Variants in ZBTB20 observed in about 807,000 individuals in gnomAD.
ZBTB20 encodes zinc finger and BTB domain containing 20.
Under a neutral mutation model 56.9 loss-of-function variants are expected in ZBTB20, and 9 were observed. That is an observed-to-expected ratio of 0.16 (90% CI 0.10 to 0.28). ZBTB20 has a LOEUF of 0.28. Among genes scored for constraint, ZBTB20 ranks in the 10% least tolerant of loss-of-function variants. The pLI is 1.00. For missense variants in ZBTB20, 655 were observed against 1,003.0 expected, an observed-to-expected ratio of 0.65 and a Z score of 4.69; for synonymous variants, 417 against 420.7, an observed-to-expected ratio of 0.99 and a Z score of 0.11.
At chr3:114,835,935 GTAGCCACA>G (rs2074100817) in intron 4 of ZBTB20, among the ~76,000 whole-genome samples, 1 of 152,154 alleles carries the variant, frequency 6.6e-6, no homozygotes, top group African/African-American at 2.4e-5. Flanking sequence ...ATGCACCTAT[GTAGCCACA>G]ATTATTCTTA....
intron 2 of ZBTB20, among the ~76,000 whole-genome samples, chr3:115,002,887 C>CA (rs1234672607): frequency 6.6e-6 from 1 of 151,446 alleles, no homozygotes; most frequent in Non-Finnish European, 1.5e-5. Flanking sequence ...TTTATAATTG[C>CA]AAAAAAATTG....
At chr3:114,889,422 G>A (rs1463243133) in intron 4 of ZBTB20, among the ~76,000 whole-genome samples, 7 of 151,986 alleles carry the variant, frequency 4.6e-5, no homozygotes, top group Admixed American at 3.9e-4. Flanking sequence ...TTACAACTCA[G>A]AGATGAATCT....
intron 7 of ZBTB20, among the ~76,000 whole-genome samples, chr3:114,408,100 T>G (rs559748327): frequency 7.2e-5 from 11 of 152,332 alleles, no homozygotes; most frequent in Admixed American, 2.0e-4. Context: ...TCCCAGTTTA[T>G]TTGAACTGAT....
At chr3:115,098,067 T>G (rs959821291) in intron 1 of ZBTB20, among the ~76,000 whole-genome samples, 7 of 152,228 alleles carry the variant, frequency 4.6e-5, no homozygotes, top group African/African-American at 1.7e-4. Context: ...AAATTTTCAT[T>G]TTTCTCTTGA....
chr3:114,908,074 G>C (rs574214433), intron 3 of ZBTB20, among the ~76,000 whole-genome samples: 5 of 151,876 alleles, frequency 3.3e-5, no homozygotes, highest in African/African-American at 1.2e-4. Flanking sequence ...TTGGAGAAAA[G>C]GCAAAGGAAT....
At chr3:115,129,964 TCA>T (rs2084454631) in intron 1 of ZBTB20, among the ~76,000 whole-genome samples, 1 of 150,300 alleles carries the variant, frequency 6.7e-6, no homozygotes, top group Admixed American at 6.6e-5. Flanking sequence ...AGGCTTAATA[TCA>T]CACACACAGC....
rs72960352 is a variant in ZBTB20, at chr3:114,978,215, C to G, written c.-506-3799G>C. Among the ~76,000 whole-genome samples, 886 of 149,324 alleles carry G rather than the reference C, an allele frequency of 5.9e-3. 11 individuals carry two copies. The highest frequency in any genetic ancestry group is 0.021 in the African/African-American group (858 of 40,914). ...TCACAATAGAATTGTGAGTTCTCTTCTAAAATATGGAATGCATTTATAAAT... is the reference window on the plus strand; with the variant it reads ...TCACAATAGAATTGTGAGTTCTCTTGTAAAATATGGAATGCATTTATAAAT... On this transcript the variant is annotated intron_variant, in intron 2 of 11. Coordinates refer to ENST00000675478, the MANE Select transcript of ZBTB20 (RefSeq NM_001348800.3).
chr3:114,536,554 C>T (rs1199815406), intron 6 of ZBTB20, among the ~76,000 whole-genome samples: 1 of 152,074 alleles, frequency 6.6e-6, no homozygotes, highest in East Asian at 1.9e-4. Flanking sequence ...GTGAAAATGG[C>T]CATACTGCCC....
intron 6 of ZBTB20, among the ~76,000 whole-genome samples, chr3:114,535,777 CA>C (rs1261801619): frequency 6.6e-6 from 1 of 152,154 alleles, no homozygotes; most frequent in African/African-American, 2.4e-5. Context: ...AGCAGCACAG[CA>C]AAAAGCTTAT....
intron 4 of ZBTB20, among the ~76,000 whole-genome samples, chr3:114,837,407 C>T (rs1560304239): frequency 6.6e-6 from 1 of 152,130 alleles, no homozygotes; most frequent in Non-Finnish European, 1.5e-5. Context: ...AAACACCATT[C>T]CACAGTTTCT....
chr3:114,801,780 T>G (rs1411482253), intron 4 of ZBTB20, among the ~76,000 whole-genome samples: 2 of 151,422 alleles, frequency 1.3e-5, no homozygotes, highest in Non-Finnish European at 2.9e-5. Flanking sequence ...TTTCACATCA[T>G]ATTGTACATC....
intron 4 of ZBTB20, among the ~76,000 whole-genome samples, chr3:114,816,625 A>T (rs776270923): frequency 1.3e-5 from 2 of 152,176 alleles, no homozygotes; most frequent in Non-Finnish European, 2.9e-5. Flanking sequence ...AATCTCATGA[A>T]AGCCCAAAGT....
In ZBTB20 at chr3:114,336,351, T is replaced by A. The variant is rs2079453165; in HGVS notation, c.*2654A>T. On this transcript the variant is annotated 3_prime_UTR_variant, in exon 12 of 12. Transcript: ENST00000675478. Reference sequence around the variant, plus strand: ...AATATTAGTCTTACAACACTGCTATTTTAAAAAGCAAAATTAGCAATAGAA... The same window carrying A: ...AATATTAGTCTTACAACACTGCTATATTAAAAAGCAAAATTAGCAATAGAA... 2 of 152,202 alleles carry A rather than the reference T, an allele frequency of 1.3e-5. No individual in the cohort carries two copies. The highest frequency in any genetic ancestry group is 2.9e-5 in the Non-Finnish European group (2 of 68,022). The allele number at this position is 152,202 out of a possible 1,614,324, so 9.4% of individuals were successfully genotyped here. A position where few individuals can be genotyped will look rare whatever the true frequency, so the allele number is the denominator to read the frequency against.
At chr3:115,117,430 G>A (rs1329637041) in intron 1 of ZBTB20, among the ~76,000 whole-genome samples, 6 of 152,036 alleles carry the variant, frequency 3.9e-5, no homozygotes, top group African/African-American at 7.2e-5. Context: ...GACCTTATCA[G>A]ATTATCTAAA....
At chr3:115,025,764 T>C (rs915168608) in intron 2 of ZBTB20, among the ~76,000 whole-genome samples, 24 of 150,618 alleles carry the variant, frequency 1.6e-4, no homozygotes, top group Middle Eastern at 3.4e-3. Flanking sequence ...GTGAATCATT[T>C]GCATAAATAT....
intron 5 of ZBTB20, among the ~76,000 whole-genome samples, chr3:114,793,051 A>G (rs2071083224): frequency 6.6e-6 from 1 of 150,876 alleles, no homozygotes; most frequent in African/African-American, 2.4e-5. Flanking sequence ...AATTTTTTTT[A>G]TATTTTTTAG....
At chr3:115,040,423 A>C (rs1184989616) in intron 2 of ZBTB20, among the ~76,000 whole-genome samples, 1 of 152,142 alleles carries the variant, frequency 6.6e-6, no homozygotes, top group Non-Finnish European at 1.5e-5. Context: ...GGAAGACTTC[A>C]CTGAGGAGGT....
intron 11 of ZBTB20, among the ~76,000 whole-genome samples, chr3:114,348,417 C>A (rs1264356425): frequency 6.6e-6 from 1 of 152,180 alleles, no homozygotes; most frequent in Non-Finnish European, 1.5e-5. Context: ...GATTAATTCA[C>A]CTAATAATGG....
chr3:114,380,747 G>A, intron 9 of ZBTB20, 30 bp downstream of exon 9: 1 of 1,492,116 alleles, frequency 6.7e-7, no homozygotes, highest in Non-Finnish European at 8.8e-7. Context: ...GTTTTAACAT[G>A]GTCTGGAAAA....
Sources: allele counts gnomAD v4.1 joint callset (sites outside exome capture counted in the v4.1 genomes callset), GRCh38; gene constraint gnomAD v4.1.1; transcripts MANE v1.5; gene names NCBI Gene and HGNC (gene_info 2026-07-23, HGNC 2026-07-21).